Variants in PPP2R5E observed in about 807,000 individuals in gnomAD.
The protein encoded by PPP2R5E is serine/threonine-protein phosphatase 2A 56 kDa regulatory subunit epsilon isoform.
Under a neutral mutation model 65.3 loss-of-function variants are expected in PPP2R5E, and 4 were observed. That is an observed-to-expected ratio of 0.06 (90% CI 0.03 to 0.14). The LOEUF (loss-of-function observed/expected upper bound fraction) is 0.14. Ranked by LOEUF, PPP2R5E falls within the 10% of genes least tolerant of loss-of-function variation. The pLI, the probability that PPP2R5E is intolerant of heterozygous loss-of-function variation, is 1.00. For missense variants in PPP2R5E, 274 were observed against 556.1 expected, an observed-to-expected ratio of 0.49 and a Z score of 5.10; for synonymous variants, 183 against 187.4, an observed-to-expected ratio of 0.98 and a Z score of 0.19.
At chr14:63,433,226 TG>T (rs762694321) in intron 3 of PPP2R5E, among the ~76,000 whole-genome samples, 9 of 151,846 alleles carry the variant, frequency 5.9e-5, no homozygotes, top group African/African-American at 1.7e-4. Context: ...TTAGTAGAGA[TG>T]GGATTTCACC....
chr14:63,530,226 G>GGT (rs1893356278), intron 2 of PPP2R5E, among the ~76,000 whole-genome samples: 1 of 99,486 alleles, frequency 1.0e-5, no homozygotes, highest in African/African-American at 4.1e-5. Flanking sequence ...AAATTTTTCC[G>GGT]TTTTTTTTTT....
chr14:63,395,925 T>G (rs1024072602), intron 6 of PPP2R5E, among the ~76,000 whole-genome samples: 1 of 498 alleles, frequency 2.0e-3, no homozygotes. Context: ...GAGGGAGAGG[T>G]GGGGGAAGAG....
At chr14:63,502,429 G>A (rs1891934623) in intron 2 of PPP2R5E, among the ~76,000 whole-genome samples, 1 of 152,118 alleles carries the variant, frequency 6.6e-6, no homozygotes, top group South Asian at 2.1e-4. Flanking sequence ...TGTAATCCCA[G>A]AACTTTAGGA....
chr14:63,383,230 C>G (rs1013799072), intron 12 of PPP2R5E, among the ~76,000 whole-genome samples: 1 of 152,176 alleles, frequency 6.6e-6, no homozygotes, highest in Non-Finnish European at 1.5e-5. Context: ...GCAAAAATAT[C>G]CGTTGCTTCC....
intron 2 of PPP2R5E, among the ~76,000 whole-genome samples, chr14:63,500,363 A>G (rs1891805921): frequency 6.6e-6 from 1 of 152,236 alleles, no homozygotes. Context: ...TGCCAAATGA[A>G]GATGCATACT....
intron 2 of PPP2R5E, among the ~76,000 whole-genome samples, chr14:63,458,985 C>G (rs116831799): frequency 0.015 from 2,315 of 152,166 alleles, 73 homozygotes; most frequent in African/African-American, 0.052. Context: ...GGCCTCTGAT[C>G]CCACAGAACT....
chr14:63,408,659 T>C (rs983437714), intron 5 of PPP2R5E, among the ~76,000 whole-genome samples: 1 of 152,264 alleles, frequency 6.6e-6, no homozygotes, highest in Non-Finnish European at 1.5e-5. Flanking sequence ...CACTAATGTA[T>C]AAATAATTTG....
intron 5 of PPP2R5E, among the ~76,000 whole-genome samples, chr14:63,408,992 G>C (rs1886241114): frequency 6.6e-6 from 1 of 152,168 alleles, no homozygotes; most frequent in African/African-American, 2.4e-5. Flanking sequence ...AGCACTTTGG[G>C]AGGCCGAGGC....
intron 2 of PPP2R5E, among the ~76,000 whole-genome samples, chr14:63,472,816 T>C (rs748024756): frequency 5.9e-5 from 9 of 152,194 alleles, no homozygotes; most frequent in Non-Finnish European, 1.3e-4. Flanking sequence ...AGGACATACC[T>C]GGCCAGAAAG....
At position 63,421,973 on chromosome 14, in the gene PPP2R5E, C is replaced by A. The variant is rs908093315; in HGVS notation, c.456+20G>T. 3.1e-5 allele frequency: 48 copies of A among 1,563,262 alleles called. No individual in the cohort carries two copies. Among genetic ancestry groups the A allele is most frequent in the Non-Finnish European group, 4.0e-5 (45 of 1,134,376 alleles). ...GAGTTAATGGAGTTTTCTTTTATAA[C>A]AAATGGTATTTCAAAGTACCTGTAA... On this transcript the variant is annotated intron_variant, in intron 4 of 13. Coordinates refer to ENST00000337537, the MANE Select transcript of PPP2R5E (RefSeq NM_006246.5).
chr14:63,379,988 C>T (rs1349066036), intron 13 of PPP2R5E, among the ~76,000 whole-genome samples: 1 of 151,764 alleles, frequency 6.6e-6, no homozygotes, highest in African/African-American at 2.4e-5. Context: ...GCGCATGCCA[C>T]CGTGCCTGGC....
intron 3 of PPP2R5E, among the ~76,000 whole-genome samples, chr14:63,448,807 A>AAAAAG (rs1888653240): frequency 2.7e-5 from 4 of 150,142 alleles, no homozygotes; most frequent in Admixed American, 6.6e-5. Flanking sequence ...AAAAAAAAAA[A>AAAAAG]GCAACCCCCA....
intron 2 of PPP2R5E, among the ~76,000 whole-genome samples, chr14:63,535,501 C>T (rs773659209): frequency 3.2e-4 from 49 of 151,888 alleles, no homozygotes; most frequent in African/African-American, 1.1e-3. Flanking sequence ...GACTTTAAAA[C>T]GCTAAGAATT....
chr14:63,525,547 C>G (rs953272745), intron 2 of PPP2R5E, among the ~76,000 whole-genome samples: 4 of 152,194 alleles, frequency 2.6e-5, no homozygotes, highest in Admixed American at 2.6e-4. Flanking sequence ...ACATGCCAAC[C>G]ACCCAAAGCA....
At chr14:63,385,527 G>T (rs1029255038) in intron 11 of PPP2R5E, among the ~76,000 whole-genome samples, 19 of 151,974 alleles carry the variant, frequency 1.3e-4, no homozygotes, top group Admixed American at 3.9e-4. Flanking sequence ...TCGAACCCAG[G>T]GCCCAGCATA....
rs1038185346 is a variant in PPP2R5E, at chr14:63,393,990, T to C, written c.741-62A>G. 3.8e-5 allele frequency: 37 copies of C among 965,608 alleles called. 1 individual carries two copies. The Admixed American group carries it at 3.8e-4, about 10-fold the overall frequency. 59.8% of individuals were successfully genotyped at this position (965,608 alleles called of 1,614,324 possible). ...CCACAAGTTGAACTGAGACAAACTGTTCTTGTGATATTAATTAAACTTAAT... is the reference window on the plus strand; with the variant it reads ...CCACAAGTTGAACTGAGACAAACTGCTCTTGTGATATTAATTAAACTTAAT... On this transcript the variant is annotated intron_variant, in intron 7 of 13. Transcript: ENST00000337537.
chr14:63,432,665 G>C (rs1386644711), intron 3 of PPP2R5E, among the ~76,000 whole-genome samples: 1 of 152,084 alleles, frequency 6.6e-6, no homozygotes, highest in African/African-American at 2.4e-5. Flanking sequence ...AAAGAGAAGA[G>C]ACTGGGGGAA....
At chr14:63,414,016 G>GT (rs1347378305) in intron 5 of PPP2R5E, among the ~76,000 whole-genome samples, 1 of 152,112 alleles carries the variant, frequency 6.6e-6, no homozygotes, top group Non-Finnish European at 1.5e-5. Context: ...TGAACTTTGG[G>GT]TTTAATTCCA....
intron 8 of PPP2R5E, among the ~76,000 whole-genome samples, chr14:63,392,306 A>G (rs1362940242): frequency 6.6e-6 from 1 of 152,236 alleles, no homozygotes; most frequent in African/African-American, 2.4e-5. Flanking sequence ...CATCACATTC[A>G]GCATATTGTG....
Sources: gnomAD v4.1 joint callset for allele counts (sites outside exome capture counted in the v4.1 genomes callset) on GRCh38, gnomAD v4.1.1 for gene constraint, MANE v1.5 for transcripts, NCBI Gene and HGNC (gene_info 2026-07-23, HGNC 2026-07-21) for gene names.